Variants in CPE observed in about 807,000 individuals in gnomAD.
CPE encodes carbocypeptidase E.
In CPE, 17 loss-of-function variants were observed where a neutral mutation model predicts 53.5. That is an observed-to-expected ratio of 0.32 (90% CI 0.22 to 0.48). CPE has a LOEUF of 0.48. Ranked by LOEUF, CPE falls within the 20% of genes least tolerant of loss-of-function variation. The pLI, the probability that CPE is intolerant of heterozygous loss-of-function variation, is 0.99. For missense variants in CPE, 524 were observed against 614.7 expected, an observed-to-expected ratio of 0.85 and a Z score of 1.56; for synonymous variants, 226 against 228.8, an observed-to-expected ratio of 0.99 and a Z score of 0.11.
intron 1 of CPE, among the ~76,000 whole-genome samples, chr4:165,424,320 T>C (rs183931077): frequency 3.1e-4 from 47 of 152,176 alleles, no homozygotes; most frequent in African/African-American, 1.1e-3. Context: ...CCGTGTCATT[T>C]TATGTATATC....
At chr4:165,453,006 TCACTCTGTCGCC>T (rs1186460174) in intron 1 of CPE, among the ~76,000 whole-genome samples, 1 of 152,132 alleles carries the variant, frequency 6.6e-6, no homozygotes, top group Non-Finnish European at 1.5e-5. Context: ...AGATGGAGTC[TCACTCTGTCGCC>T]CAGGCTGGAG....
rs949922757 is a variant in CPE, at chr4:165,405,235, A to C, written c.307+25707A>C. 5 of 823,228 alleles carry C rather than the reference A, an allele frequency of 6.1e-6. No individual in the cohort carries two copies. The African/African-American group carries it at 8.4e-5, about 14-fold the overall frequency. The allele number at this position is 823,228 out of a possible 1,614,324, so 51.0% of individuals were successfully genotyped here. On this transcript the variant is annotated intron_variant, in intron 1 of 8. Transcript: ENST00000402744. Reference sequence around the variant, plus strand: ...GCCCCTTATCCACGGAGACTTGGGCAATGCCTGCTCCCATCATCCCTGCAC... The same window carrying C: ...GCCCCTTATCCACGGAGACTTGGGCCATGCCTGCTCCCATCATCCCTGCAC...
chr4:165,472,825 T>G (rs1732232539), intron 3 of CPE, among the ~76,000 whole-genome samples: 1 of 152,242 alleles, frequency 6.6e-6, no homozygotes, highest in South Asian at 2.1e-4. Flanking sequence ...TCTACTTTCC[T>G]TACATGCCTT....
intron 3 of CPE, among the ~76,000 whole-genome samples, chr4:165,476,650 A>G (rs946790597): frequency 6.9e-6 from 1 of 143,886 alleles, no homozygotes; most frequent in African/African-American, 2.6e-5. Context: ...CAGTTTAACA[A>G]CCTCCCGCCC....
At chr4:165,458,033 A>T (rs1731932745) in intron 1 of CPE, among the ~76,000 whole-genome samples, 1 of 152,222 alleles carries the variant, frequency 6.6e-6, no homozygotes, top group Non-Finnish European at 1.5e-5. Flanking sequence ...CAGTTTCTGC[A>T]AGAATGATTT....
chr4:165,437,809 A>C (rs1370680), intron 1 of CPE, among the ~76,000 whole-genome samples: 2 of 151,794 alleles, frequency 1.3e-5, no homozygotes, highest in Non-Finnish European at 2.9e-5. Context: ...ATCTTGAAGT[A>C]TGAGTAAGAG....
Position 165,487,529 on chromosome 4 carries a change from G to A in CPE, c.1065G>A (p.Lys355=), listed in dbSNP as rs779599546. ...AGTTCCCACCTGAAGAGACTCTGAA[G>A]ACCTACTGGGAGGATAACAAAAACT... ...CEKFPPEETL[K]TYWEDNKNSL... is the part of the protein sequence containing the mutation. Residue 355 remains lysine, a synonymous_variant, in exon 6 of 9, where the codon AAG becomes AAA. Coordinates refer to ENST00000402744, the MANE Select transcript of CPE (RefSeq NM_001873.4). The A allele has an allele frequency of 3.7e-6, 6 of 1,614,102 alleles. No homozygotes were observed. Among genetic ancestry groups the A allele is most frequent in the Non-Finnish European group, 5.1e-6 (6 of 1,179,994 alleles).
intron 1 of CPE, among the ~76,000 whole-genome samples, chr4:165,398,045 C>T (rs1182968160): frequency 8.9e-6 from 1 of 111,786 alleles, no homozygotes; most frequent in Non-Finnish European, 1.7e-5. Flanking sequence ...AGCAAGTCCT[C>T]ATTTCTAAAA....
intron 1 of CPE, among the ~76,000 whole-genome samples, chr4:165,450,163 G>T (rs1731784294): frequency 6.6e-6 from 1 of 152,004 alleles, no homozygotes; most frequent in African/African-American, 2.4e-5. Flanking sequence ...TTAGTTTGGA[G>T]TGTTTGTAGA....
chr4:165,383,352 G>A (rs1730534249), intron 1 of CPE, among the ~76,000 whole-genome samples: 1 of 151,988 alleles, frequency 6.6e-6, no homozygotes, highest in Non-Finnish European at 1.5e-5. Context: ...TGCCTTCCTA[G>A]GCATGTATAT....
chr4:165,448,554 A>T lies in CPE; in HGVS notation c.308-15836A>T, dbSNP rs764563093. 2.4e-4 allele frequency among the ~76,000 whole-genome samples: 37 copies of T among 152,144 alleles called. No individual in the cohort carries two copies. In the South Asian group the frequency reaches 2.7e-3, roughly 11 times the overall value. ...GGAAATGCCCCACTTCTCTCTGGGC[A>T]TGGGAGCCATAAGAAGGAGGTCCCT... On this transcript the variant is annotated intron_variant, in intron 1 of 8. Coordinates refer to ENST00000402744, the MANE Select transcript of CPE (RefSeq NM_001873.4).
intron 1 of CPE, among the ~76,000 whole-genome samples, chr4:165,460,930 AT>A (rs1374916501): frequency 6.6e-6 from 1 of 151,942 alleles, no homozygotes; most frequent in Non-Finnish European, 1.5e-5. Context: ...AAATAACTAC[AT>A]TGATGAATGT....
At position 165,454,541 on chromosome 4, in the gene CPE, T is replaced by C. The variant is rs962863916; in HGVS notation, c.308-9849T>C. ...ACCTCTTTATCTGTGGGTTAGTAAA[T>C]TGACGTTTTTCTCCTTCATTTATCT... is the stretch of plus-strand genomic sequence containing the variant. On this transcript the variant is annotated intron_variant, in intron 1 of 8. Transcript: ENST00000402744. Among the ~76,000 whole-genome samples the C allele has an allele frequency of 3.9e-5, 6 of 152,358 alleles. No homozygotes were observed. In the South Asian group the frequency reaches 1.0e-3, roughly 26 times the overall value.
At chr4:165,491,496 T>A (rs971051868) in intron 6 of CPE, among the ~76,000 whole-genome samples, 2 of 152,192 alleles carry the variant, frequency 1.3e-5, no homozygotes, top group African/African-American at 2.4e-5. Context: ...TTTCATCTTT[T>A]AATTCAGAAA....
chr4:165,464,612 G>A lies in CPE; in HGVS notation c.504+26G>A, dbSNP rs17847596. ...GTGAGTGCCAGGCAGCTCAGATCAG[G>A]CGTGCTTTCTTCATTTTCTGTATGT... On this transcript the variant is annotated intron_variant, in intron 2 of 8. Transcript: ENST00000402744. 1,487 of 1,552,670 alleles carry A rather than the reference G, an allele frequency of 9.6e-4. 32 individuals are homozygous for A. In the East Asian group the frequency reaches 0.027, roughly 28 times the overall value.
intron 1 of CPE, among the ~76,000 whole-genome samples, chr4:165,382,372 T>C (rs1421460908): frequency 6.6e-6 from 1 of 152,246 alleles, no homozygotes; most frequent in Non-Finnish European, 1.5e-5. Context: ...CTTTACTATT[T>C]TCACCTTTTA....
chr4:165,407,966 G>A (rs943643732), intron 1 of CPE, among the ~76,000 whole-genome samples: 2 of 151,878 alleles, frequency 1.3e-5, no homozygotes, highest in Admixed American at 6.6e-5. Context: ...CAGGCATGTG[G>A]CACTGCACCT....
intron 1 of CPE, among the ~76,000 whole-genome samples, chr4:165,461,802 C>G (rs1187069154): frequency 6.6e-6 from 1 of 152,192 alleles, no homozygotes; most frequent in Non-Finnish European, 1.5e-5. Flanking sequence ...TGTGGCTGTT[C>G]CGCATCTCAC....
chr4:165,379,341 C>A lies in CPE; in HGVS notation c.120C>A (p.Arg40=). 1 of 1,583,148 alleles carries A rather than the reference C, an allele frequency of 6.3e-7. No homozygotes were observed. The highest frequency in any genetic ancestry group is 8.6e-7 in the Non-Finnish European group (1 of 1,168,984). Residue 40 remains arginine, a synonymous_variant, in exon 1 of 9, where the codon CGC becomes CGA. Coordinates refer to ENST00000402744, the MANE Select transcript of CPE (RefSeq NM_001873.4). This position sits in a 1 kb window ranked among gnomAD's most constrained non-coding sequence, Gnocchi z 6.0. The stretch of plus-strand genomic sequence containing the variant: ...CGCCCGCGGCGGGCATGAGGCGGCG[C>A]CGGCGGCTGCAGCAAGAGGACGGCA... The part of the protein sequence containing the change: ...PGAPAAGMRR[R]RRLQQEDGIS...
Sources: allele counts gnomAD v4.1 joint callset (sites outside exome capture counted in the v4.1 genomes callset), GRCh38; gene constraint gnomAD v4.1.1; non-coding constraint Gnocchi (gnomAD v3.1); transcripts MANE v1.5; gene names NCBI Gene and HGNC (gene_info 2026-07-23, HGNC 2026-07-21).